SSH2: variants seen among roughly 807,000 people sequenced by gnomAD.
SSH2 encodes the protein slingshot protein phosphatase 2, also known as protein phosphatase Slingshot homolog 2.
SSH2 carries 37 observed loss-of-function variants against 135.2 expected under a neutral mutation model. The observed-to-expected ratio is 0.27, with a 90% CI of 0.21 to 0.36. The LOEUF is 0.36. Ranked by LOEUF, SSH2 falls within the 10% of genes least tolerant of loss-of-function variation. The pLI is 1.00. For synonymous variants in SSH2, 628 were observed against 646.2 expected (o/e 0.97, Z 0.43); for missense variants, 1,408 against 1,765.3 (o/e 0.80, Z 3.63).
intron 4 of SSH2, among the ~76,000 whole-genome samples, chr17:29,700,137 T>C (rs996677407): frequency 6.6e-6 from 1 of 152,238 alleles, no homozygotes; most frequent in East Asian, 1.9e-4. Flanking sequence ...TTTTGGCTTT[T>C]ACCTCTGACC....
chr17:29,735,696 CAAA>C (rs1246276444), intron 3 of SSH2, among the ~76,000 whole-genome samples: 2 of 48,642 alleles, frequency 4.1e-5, no homozygotes, highest in African/African-American at 7.8e-5. Flanking sequence ...GATTCTGTCT[CAAA>C]AAAAAAAAAA....
intron 2 of SSH2, among the ~76,000 whole-genome samples, chr17:29,798,115 A>C (rs1324911384): frequency 6.6e-6 from 1 of 152,046 alleles, no homozygotes; most frequent in Non-Finnish European, 1.5e-5. Context: ...CCCTATGGTT[A>C]TTGTTTTCAG....
intron 1 of SSH2, among the ~76,000 whole-genome samples, chr17:29,881,736 G>A (rs1176157020): frequency 7.9e-5 from 12 of 151,996 alleles, no homozygotes; most frequent in South Asian, 2.1e-4. Flanking sequence ...TCCTGACCTC[G>A]TGATCTGCCC....
At chr17:29,784,923 T>G (rs1379325272) in intron 3 of SSH2, among the ~76,000 whole-genome samples, 1 of 152,216 alleles carries the variant, frequency 6.6e-6, no homozygotes, top group Non-Finnish European at 1.5e-5. Context: ...TCTCCTCTGC[T>G]GCAAATTTTA....
At chr17:29,863,989 A>G (rs151289657) in intron 1 of SSH2, 1 of 152,262 alleles carries the variant, frequency 6.6e-6, no homozygotes, top group Non-Finnish European at 1.5e-5. Flanking sequence ...ACCATAGGTA[A>G]AGCATTTCAG....
intron 2 of SSH2, among the ~76,000 whole-genome samples, chr17:29,808,607 C>T (rs1414337469): frequency 6.6e-6 from 1 of 152,214 alleles, no homozygotes; most frequent in African/African-American, 2.4e-5. Context: ...TCCTAACCAC[C>T]ACCCAAGTTG....
chr17:29,868,508 C>T (rs1321168426), intron 1 of SSH2, among the ~76,000 whole-genome samples: 2 of 152,028 alleles, frequency 1.3e-5, no homozygotes, highest in African/African-American at 4.8e-5. Flanking sequence ...GAGGCCGAGG[C>T]GGGCAGATTG....
intron 6 of SSH2, among the ~76,000 whole-genome samples, chr17:29,679,275 T>C (rs1192488959): frequency 6.6e-6 from 1 of 152,278 alleles, no homozygotes; most frequent in African/African-American, 2.4e-5. Flanking sequence ...CTAGAAAGAA[T>C]CTGGCATAAC....
chr17:29,637,835 C>T lies in SSH2; in HGVS notation c.1428-1033G>A, dbSNP rs185322948. Among the ~76,000 whole-genome samples, 5 of 151,168 alleles carry T rather than the reference C, an allele frequency of 3.3e-5. No individual in the cohort carries two copies. The East Asian group carries it at 7.9e-4, about 24-fold the overall frequency. ...AAGATATATACAGATATTTACTGGC[C>T]GGCTGCCGTGGCTCATGCCTGTAAT... is the stretch of plus-strand genomic sequence containing the variant. On this transcript the variant is annotated intron_variant, in intron 14 of 15. Coordinates refer to ENST00000540801, the MANE Select transcript of SSH2 (RefSeq NM_001282129.2).
chr17:29,895,771 G>A (rs868351031), intron 1 of SSH2, among the ~76,000 whole-genome samples: 6 of 102,440 alleles, frequency 5.9e-5, no homozygotes, highest in African/African-American at 1.6e-4. Context: ...CACATTTCAT[G>A]TATAAAATGT....
Position 29,760,726 on chromosome 17 carries a change from TA to T in SSH2, c.188+33167del, listed in dbSNP as rs1182808624. ...TGTAAATGGTTAGCAATAGAAACTT[TA>T]AAAAAAAAAAACCCATAATCACGGA... On this transcript the variant is annotated intron_variant, in intron 3 of 15. Coordinates refer to ENST00000540801, the MANE Select transcript of SSH2 (RefSeq NM_001282129.2). Among the ~76,000 whole-genome samples the T allele has an allele frequency of 4.0e-3, 573 of 142,584 alleles. 4 individuals are homozygous for T. Among genetic ancestry groups the T allele is most frequent in the Non-Finnish European group, 5.6e-3 (365 of 64,736 alleles). The allele number at this position is 142,584 out of a possible 152,430, so 93.5% of individuals were successfully genotyped here. A position where few individuals can be genotyped will look rare whatever the true frequency, so the allele number is the denominator to read the frequency against.
intron 1 of SSH2, among the ~76,000 whole-genome samples, chr17:29,871,322 T>C (rs778913040): frequency 6.6e-6 from 1 of 152,232 alleles, no homozygotes; most frequent in Admixed American, 6.5e-5. Context: ...AGTAGGGCTA[T>C]TGAATTTTCC....
intron 14 of SSH2, chr17:29,643,032 T>C (rs767161292): frequency 1.4e-4 from 105 of 749,574 alleles, no homozygotes; most frequent in Non-Finnish European, 1.5e-4. Flanking sequence ...ATCTAAACAC[T>C]TGGACAGGAA....
At chr17:29,903,475 AT>A (rs891385561) in intron 1 of SSH2, among the ~76,000 whole-genome samples, 13 of 151,428 alleles carry the variant, frequency 8.6e-5, no homozygotes, top group African/African-American at 3.1e-4. Context: ...AAAAAAAAAA[AT>A]CATTTCACTA....
At chr17:29,897,319 T>G (rs1476668463) in intron 1 of SSH2, among the ~76,000 whole-genome samples, 4 of 151,994 alleles carry the variant, frequency 2.6e-5, no homozygotes, top group Non-Finnish European at 1.5e-5. Context: ...ATGCTCCAAT[T>G]AAAAGACACA....
At chr17:29,697,587 C>T (rs1294307435) in intron 4 of SSH2, among the ~76,000 whole-genome samples, 1 of 151,990 alleles carries the variant, frequency 6.6e-6, no homozygotes, top group African/African-American at 2.4e-5. Flanking sequence ...GGCTAGTGAG[C>T]TATGATCATG....
At chr17:29,876,838 C>T (rs2151427216) in intron 1 of SSH2, among the ~76,000 whole-genome samples, 1 of 151,798 alleles carries the variant, frequency 6.6e-6, no homozygotes, top group East Asian at 2.0e-4. Flanking sequence ...ACCCCACATG[C>T]ACAGGCAACC....
intron 3 of SSH2, among the ~76,000 whole-genome samples, chr17:29,793,026 G>A (rs144241623): frequency 1.4e-4 from 22 of 152,194 alleles, no homozygotes; most frequent in Middle Eastern, 3.4e-3. Flanking sequence ...CAATGAGCAT[G>A]CTTATTGATC....
chr17:29,842,139 G>GCGGGGGT (rs112916281), intron 2 of SSH2, among the ~76,000 whole-genome samples: 8 of 150,976 alleles, frequency 5.3e-5, no homozygotes, highest in African/African-American at 1.2e-4. Context: ...TTTAACTGGA[G>GCGGGGGT]GAGACCCTGT....
Sources: allele counts gnomAD v4.1 joint callset (sites outside exome capture counted in the v4.1 genomes callset), GRCh38; gene constraint gnomAD v4.1.1; transcripts MANE v1.5; gene names NCBI Gene and HGNC (gene_info 2026-07-23, HGNC 2026-07-21).